CNTNAP2: variants seen among roughly 807,000 people sequenced by gnomAD.
The protein encoded by CNTNAP2 is contactin associated protein 2, also known as contactin-associated protein-like 2.
Under a neutral mutation model 155.2 loss-of-function variants are expected in CNTNAP2, and 98 were observed. The observed-to-expected ratio is 0.63, with a 90% CI of 0.54 to 0.75. The LOEUF (loss-of-function observed/expected upper bound fraction) is 0.75, where lower values mean the gene tolerates loss of function less well. Among genes scored for constraint, CNTNAP2 ranks in the 30% least tolerant of loss-of-function variants. The pLI is 0.00. For missense variants in CNTNAP2, 1,727 were observed against 1,688.1 expected, an observed-to-expected ratio of 1.02 and a Z score of -0.40; for synonymous variants, 651 against 631.2, an observed-to-expected ratio of 1.03 and a Z score of -0.47.
At chr7:146,432,262 A>T (rs1796183597) in intron 1 of CNTNAP2, among the ~76,000 whole-genome samples, 1 of 152,112 alleles carries the variant, frequency 6.6e-6, no homozygotes, top group Non-Finnish European at 1.5e-5. Flanking sequence ...ATTAAAGAGG[A>T]ATGTTTTTAT....
chr7:146,514,025 T>G (rs898547161), intron 1 of CNTNAP2, among the ~76,000 whole-genome samples: 2 of 151,956 alleles, frequency 1.3e-5, no homozygotes, highest in African/African-American at 4.8e-5. Flanking sequence ...TTCAGTACTT[T>G]TTATATATCA....
At chr7:148,111,950 G>A (rs185690263) in intron 15 of CNTNAP2, among the ~76,000 whole-genome samples, 2 of 152,252 alleles carry the variant, frequency 1.3e-5, no homozygotes, top group Admixed American at 6.5e-5. Context: ...CTGAAACTTG[G>A]GGATGTAATA....
intron 2 of CNTNAP2, among the ~76,000 whole-genome samples, chr7:146,826,853 T>TAG (rs1479252509): frequency 0.01 from 1,432 of 140,634 alleles, 9 homozygotes; most frequent in African/African-American, 0.024. Flanking sequence ...TATATATATA[T>TAG]ATATAGAGAG....
intron 9 of CNTNAP2, 63 bp from the exon 10 acceptor site, chr7:147,395,546 A>G: frequency 6.4e-7 from 1 of 1,552,988 alleles, no homozygotes. Context: ...GAATACCCAC[A>G]AGAATTTTAG....
intron 1 of CNTNAP2, among the ~76,000 whole-genome samples, chr7:146,152,821 C>T (rs1386320021): frequency 6.6e-6 from 1 of 152,030 alleles, no homozygotes; most frequent in Non-Finnish European, 1.5e-5. Context: ...TCAATCTGTT[C>T]CTGTTGAGGA....
At chr7:147,564,623 A>G (rs539557274) in intron 12 of CNTNAP2, among the ~76,000 whole-genome samples, 82 of 152,288 alleles carry the variant, frequency 5.4e-4, no homozygotes, top group African/African-American at 1.6e-3. Context: ...AAAAGAAAAC[A>G]AAACTATAAT....
At chr7:147,158,840 G>C (rs1052781459) in intron 8 of CNTNAP2, among the ~76,000 whole-genome samples, 1 of 152,010 alleles carries the variant, frequency 6.6e-6, no homozygotes, top group Non-Finnish European at 1.5e-5. Context: ...AATAAAACAG[G>C]CTCCCTGAGC....
intron 16 of CNTNAP2, among the ~76,000 whole-genome samples, chr7:148,128,443 T>G (rs1482832874): frequency 6.6e-6 from 1 of 152,214 alleles, no homozygotes; most frequent in Non-Finnish European, 1.5e-5. Context: ...ACCTTTGATT[T>G]GAATTACAGA....
chr7:146,952,206 A>G (rs1797329740), intron 3 of CNTNAP2, among the ~76,000 whole-genome samples: 1 of 152,176 alleles, frequency 6.6e-6, no homozygotes, highest in African/African-American at 2.4e-5. Context: ...GATGCTGAAA[A>G]GGCCTTCGAT....
intron 1 of CNTNAP2, among the ~76,000 whole-genome samples, chr7:146,163,629 T>A (rs1798267133): frequency 6.7e-6 from 1 of 148,654 alleles, no homozygotes; most frequent in Non-Finnish European, 1.5e-5. Flanking sequence ...ACGCCTGTAA[T>A]CCTGGCTACT....
intron 13 of CNTNAP2, among the ~76,000 whole-genome samples, chr7:147,822,313 T>C (rs893758443): frequency 1.3e-5 from 2 of 152,166 alleles, no homozygotes; most frequent in Non-Finnish European, 2.9e-5. Flanking sequence ...ATGTTGTGTA[T>C]ATCCAGGCTG....
At chr7:147,989,121 C>T (rs1265811275) in intron 15 of CNTNAP2, among the ~76,000 whole-genome samples, 3 of 152,180 alleles carry the variant, frequency 2.0e-5, no homozygotes, top group African/African-American at 7.2e-5. Context: ...ACTTAGAAAC[C>T]ACCTGAGATC....
At chr7:147,285,757 T>C (rs897287882) in intron 8 of CNTNAP2, among the ~76,000 whole-genome samples, 3 of 151,984 alleles carry the variant, frequency 2.0e-5, no homozygotes, top group Non-Finnish European at 4.4e-5. Flanking sequence ...CATTCTAGTG[T>C]TCATTTCTCT....
intron 1 of CNTNAP2, among the ~76,000 whole-genome samples, chr7:146,247,610 A>G (rs1799682901): frequency 6.6e-6 from 1 of 152,274 alleles, no homozygotes; most frequent in African/African-American, 2.4e-5. Flanking sequence ...ACCTCAGACC[A>G]TTTGCCCATT....
chr7:146,824,443 C>T (rs944588844), intron 2 of CNTNAP2, among the ~76,000 whole-genome samples: 3 of 151,920 alleles, frequency 2.0e-5, no homozygotes, highest in Non-Finnish European at 4.4e-5. Context: ...TCTGGTTCTG[C>T]ATCCTTGAGG....
intron 3 of CNTNAP2, among the ~76,000 whole-genome samples, chr7:146,905,846 G>A (rs138245215): frequency 2.6e-3 from 393 of 152,346 alleles, no homozygotes; most frequent in African/African-American, 8.7e-3. Flanking sequence ...CAGCGTGAGC[G>A]ATGCAGAAGA....
intron 1 of CNTNAP2, among the ~76,000 whole-genome samples, chr7:146,506,992 G>A (rs1797393999): frequency 6.6e-6 from 1 of 152,160 alleles, no homozygotes; most frequent in Non-Finnish European, 1.5e-5. Flanking sequence ...CAGGACTACA[G>A]GTCCCAAGAC....
At chr7:146,546,639 A>T (rs1798033457) in intron 1 of CNTNAP2, among the ~76,000 whole-genome samples, 5 of 151,956 alleles carry the variant, frequency 3.3e-5, no homozygotes, top group African/African-American at 9.7e-5. Context: ...GGGCACACCC[A>T]ATAGTGGGTC....
intron 1 of CNTNAP2, among the ~76,000 whole-genome samples, chr7:146,216,498 A>G (rs1189934418): frequency 1.3e-5 from 2 of 151,738 alleles, no homozygotes; most frequent in Non-Finnish European, 2.9e-5. Context: ...TTTTCTTTGC[A>G]CTCCCCGAAG....
Sources: gnomAD v4.1 joint callset for allele counts (sites outside exome capture counted in the v4.1 genomes callset) on GRCh38, gnomAD v4.1.1 for gene constraint, MANE v1.5 for transcripts, NCBI Gene and HGNC (gene_info 2026-07-23, HGNC 2026-07-21) for gene names.